Variants in CCSER1 observed in about 807,000 individuals in gnomAD.
CCSER1 encodes serine-rich coiled-coil domain-containing protein 1.
CCSER1 carries 41 observed loss-of-function variants against 82.0 expected under a neutral mutation model. The ratio of observed to expected loss-of-function variants is 0.50; its 90% CI spans 0.39 to 0.65. The LOEUF is 0.65. Ranked by LOEUF, CCSER1 falls within the 30% of genes least tolerant of loss-of-function variation. The pLI is 0.00. For synonymous variants in CCSER1, 414 were observed against 383.9 expected, an observed-to-expected ratio of 1.08 and a Z score of -0.92; for missense variants, 1,119 against 1,064.2, an observed-to-expected ratio of 1.05 and a Z score of -0.72.
chr4:90,470,415 C>G (rs893127108), intron 5 of CCSER1, among the ~76,000 whole-genome samples: 2 of 152,110 alleles, frequency 1.3e-5, no homozygotes, highest in African/African-American at 4.8e-5. Context: ...AGTATAAATG[C>G]AAGCACAGTG....
intron 1 of CCSER1, among the ~76,000 whole-genome samples, chr4:90,191,824 A>G (rs1396457552): frequency 1.3e-5 from 2 of 152,104 alleles, no homozygotes; most frequent in East Asian, 3.9e-4. Flanking sequence ...AAAGTAAAGC[A>G]GTAATTAAAA....
chr4:90,394,280 G>T (rs1751650757), intron 3 of CCSER1, among the ~76,000 whole-genome samples: 1 of 151,926 alleles, frequency 6.6e-6, no homozygotes, highest in Non-Finnish European at 1.5e-5. Context: ...TAAGATATAT[G>T]AGGAGAGACA....
intron 9 of CCSER1, chr4:91,017,057 G>A (rs1323058426): frequency 1.3e-5 from 2 of 152,096 alleles, no homozygotes; most frequent in Non-Finnish European, 2.9e-5. Flanking sequence ...GGAGTAATAG[G>A]AATAAATTAA....
chr4:91,062,363 C>G (rs1744031838), intron 9 of CCSER1, among the ~76,000 whole-genome samples: 1 of 152,052 alleles, frequency 6.6e-6, no homozygotes, highest in Non-Finnish European at 1.5e-5. Context: ...TCCAACAGAT[C>G]CTTGATGTTA....
chr4:90,722,555 AAAG>A (rs1742855419), intron 6 of CCSER1, among the ~76,000 whole-genome samples: 1 of 151,914 alleles, frequency 6.6e-6, no homozygotes, highest in Non-Finnish European at 1.5e-5. Flanking sequence ...TTTTGAAATT[AAAG>A]TCAATAACTA....
intron 8 of CCSER1, among the ~76,000 whole-genome samples, chr4:90,869,227 G>T (rs544906032): frequency 6.6e-6 from 1 of 151,958 alleles, no homozygotes; most frequent in Non-Finnish European, 1.5e-5. Flanking sequence ...GTCTATTTTT[G>T]CTTTAGTTAC....
chr4:91,598,705 A>G lies in CCSER1; in HGVS notation c.2351A>G (p.Gln784Arg). The G allele has an allele frequency of 6.4e-7, 1 of 1,551,586 alleles. No homozygotes were observed. Residue 784 changes from glutamine (Q) to arginine (R), a missense_variant, in exon 11 of 11, where the codon CAA becomes CGA. Transcript: ENST00000509176. Reference sequence around the variant, plus strand: ...AGCCCCTACAAAAACAAGACCTGTCAACTCCCAAGTCTCTGTTTAAGTAAT... The same window carrying G: ...AGCCCCTACAAAAACAAGACCTGTCGACTCCCAAGTCTCTGTTTAAGTAAT... ...QTSPYKNKTC[Q>R]LPSLCLSNFL...
chr4:91,259,654 A>G (rs891668816), intron 10 of CCSER1, among the ~76,000 whole-genome samples: 1 of 138,374 alleles, frequency 7.2e-6, no homozygotes, highest in African/African-American at 2.8e-5. Context: ...ATGTGTTCTC[A>G]TTGTTCAACT....
At chr4:90,812,360 A>G (rs1200983125) in intron 7 of CCSER1, among the ~76,000 whole-genome samples, 1 of 152,160 alleles carries the variant, frequency 6.6e-6, no homozygotes. Flanking sequence ...CTTCAATCCA[A>G]TGAATTTGAT....
chr4:91,514,821 G>A (rs1027928566), intron 10 of CCSER1, among the ~76,000 whole-genome samples: 8 of 152,128 alleles, frequency 5.3e-5, no homozygotes, highest in Admixed American at 2.0e-4. Flanking sequence ...AATACAGGAC[G>A]ACAAAGTCTC....
intron 10 of CCSER1, among the ~76,000 whole-genome samples, chr4:91,311,475 C>G (rs1745473804): frequency 6.6e-6 from 1 of 151,842 alleles, no homozygotes; most frequent in Admixed American, 6.6e-5. Context: ...ATATTTTTCA[C>G]AACAGCAGTA....
At chr4:90,360,159 C>T (rs1228587648) in intron 3 of CCSER1, among the ~76,000 whole-genome samples, 2 of 147,442 alleles carry the variant, frequency 1.4e-5, no homozygotes, top group Non-Finnish European at 1.5e-5. Context: ...CCTCGTGATC[C>T]GCCCGCCTCA....
At chr4:90,365,973 AT>A (rs1290756175) in intron 3 of CCSER1, among the ~76,000 whole-genome samples, 1 of 151,470 alleles carries the variant, frequency 6.6e-6, no homozygotes, top group Non-Finnish European at 1.5e-5. Context: ...TTTTTGTCTG[AT>A]TTTTTTTCGT....
intron 10 of CCSER1, among the ~76,000 whole-genome samples, chr4:91,362,350 T>C (rs898517959): frequency 6.6e-6 from 1 of 151,754 alleles, no homozygotes; most frequent in African/African-American, 2.4e-5. Context: ...ACTTAAGTTA[T>C]TGATGGTCTG....
intron 5 of CCSER1, among the ~76,000 whole-genome samples, chr4:90,534,804 T>C (rs1000332926): frequency 2.0e-5 from 3 of 152,168 alleles, no homozygotes; most frequent in Non-Finnish European, 1.5e-5. Context: ...GCTACTGAAG[T>C]TAATCATTTA....
intron 1 of CCSER1, among the ~76,000 whole-genome samples, chr4:90,261,259 TA>T (rs58158137): frequency 0.044 from 6,755 of 152,160 alleles, 386 homozygotes; most frequent in African/African-American, 0.13. Context: ...GTTCAAGATT[TA>T]GAACTTTTAG....
intron 4 of CCSER1, among the ~76,000 whole-genome samples, chr4:90,426,898 C>A (rs1203546794): frequency 6.6e-6 from 1 of 152,010 alleles, no homozygotes; most frequent in East Asian, 1.9e-4. Flanking sequence ...TTGTTCTGAA[C>A]CATTTTCTCA....
intron 3 of CCSER1, among the ~76,000 whole-genome samples, chr4:90,328,127 C>T (rs1011088997): frequency 1.3e-5 from 2 of 152,060 alleles, no homozygotes; most frequent in East Asian, 1.9e-4. Context: ...GGATTCCAAA[C>T]ACAAAGGCTG....
At chr4:91,467,976 A>G (rs1283259545) in intron 10 of CCSER1, among the ~76,000 whole-genome samples, 1 of 152,204 alleles carries the variant, frequency 6.6e-6, no homozygotes, top group African/African-American at 2.4e-5. Context: ...TAGAAGTGCC[A>G]TTTGACCCAG....
Sources: allele counts gnomAD v4.1 joint callset (sites outside exome capture counted in the v4.1 genomes callset), GRCh38; gene constraint gnomAD v4.1.1; transcripts MANE v1.5; gene names NCBI Gene and HGNC (gene_info 2026-07-23, HGNC 2026-07-21).